ARHGAP10: variants seen among roughly 807,000 people sequenced by gnomAD.
ARHGAP10 encodes the protein rho GTPase-activating protein 10.
ARHGAP10 carries 87 observed loss-of-function variants against 108.6 expected under a neutral mutation model. The observed-to-expected ratio is 0.80, with a 90% CI of 0.67 to 0.96. The LOEUF is 0.96. Ranked by LOEUF, ARHGAP10 falls within the 40% of genes least tolerant of loss-of-function variation. The pLI is 0.00. For missense variants in ARHGAP10, 939 were observed against 954.5 expected (o/e 0.98, Z 0.21); for synonymous variants, 347 against 341.1 (o/e 1.02, Z -0.19).
chr4:147,962,977 CT>C lies in ARHGAP10; in HGVS notation c.1451-2041del, dbSNP rs994510185. Among the ~76,000 whole-genome samples, 4 of 152,148 alleles carry C rather than the reference CT, an allele frequency of 2.6e-5. No individual in the cohort carries two copies. The East Asian group carries it at 7.7e-4, about 29-fold the overall frequency. ...TGCCTGGCCACCACTCCTTTCATTT[CT>C]TTTTTCTTATCTCCCACATAACTTT... On this transcript the variant is annotated intron_variant, in intron 16 of 22. Coordinates refer to ENST00000336498, the MANE Select transcript of ARHGAP10 (RefSeq NM_024605.4).
chr4:147,982,089 G>A (rs1235683002), intron 18 of ARHGAP10, among the ~76,000 whole-genome samples: 1 of 152,162 alleles, frequency 6.6e-6, no homozygotes, highest in Non-Finnish European at 1.5e-5. Flanking sequence ...CGTGCTGGAA[G>A]TGCAGTGGTA....
intron 10 of ARHGAP10, among the ~76,000 whole-genome samples, chr4:147,884,836 A>C (rs2126876844): frequency 6.6e-6 from 1 of 152,342 alleles, no homozygotes; most frequent in Middle Eastern, 3.4e-3. Flanking sequence ...CAACGGCCTG[A>C]ACTTGAAGTT....
intron 1 of ARHGAP10, among the ~76,000 whole-genome samples, chr4:147,784,789 A>C (rs1224144295): frequency 8.7e-5 from 3 of 34,556 alleles, no homozygotes; most frequent in African/African-American, 1.7e-4. Context: ...ATATTATAAA[A>C]TATATATTAT....
chr4:147,770,959 T>G (rs1301558520), intron 1 of ARHGAP10, among the ~76,000 whole-genome samples: 1 of 152,222 alleles, frequency 6.6e-6, no homozygotes, highest in Non-Finnish European at 1.5e-5. Flanking sequence ...TCACATGGTC[T>G]TACCTCTGTG....
chr4:147,749,250 G>T (rs536263587), intron 1 of ARHGAP10, among the ~76,000 whole-genome samples: 7 of 152,242 alleles, frequency 4.6e-5, no homozygotes, highest in Non-Finnish European at 7.4e-5. Context: ...GCACAGTGAG[G>T]TATCTATGCC....
Position 147,993,899 on chromosome 4 carries a change from G to A in ARHGAP10, c.1716+27060G>A, listed in dbSNP as rs1404335553. Among the ~76,000 whole-genome samples the A allele has an allele frequency of 3.9e-5, 6 of 152,340 alleles. No individual in the cohort carries two copies. In the East Asian group the frequency reaches 7.7e-4, roughly 20 times the overall value. ...TGAGGAGCTGGTGTTTCAGACATGG[G>A]CAAGCTCTAGTTCATGCAAACCGTG... On this transcript the variant is annotated intron_variant, in intron 18 of 22. Coordinates refer to ENST00000336498, the MANE Select transcript of ARHGAP10 (RefSeq NM_024605.4).
At chr4:147,959,612 G>A (rs1738919535) in intron 16 of ARHGAP10, among the ~76,000 whole-genome samples, 1 of 152,028 alleles carries the variant, frequency 6.6e-6, no homozygotes, top group Non-Finnish European at 1.5e-5. Flanking sequence ...GTGAGAACAT[G>A]CGGTGTTTGG....
At chr4:147,749,466 C>T (rs1252797834) in intron 1 of ARHGAP10, among the ~76,000 whole-genome samples, 3 of 152,194 alleles carry the variant, frequency 2.0e-5, no homozygotes, top group Non-Finnish European at 4.4e-5. Flanking sequence ...TTGTGGGTAT[C>T]ATTAATCCAG....
At chr4:147,866,690 C>G (rs1386145123) in intron 6 of ARHGAP10, 22 bp from the exon 7 acceptor site, 2 of 1,563,892 alleles carry the variant, frequency 1.3e-6, no homozygotes, top group Non-Finnish European at 1.7e-6. Context: ...GTGCTAATAT[C>G]TCTTTTCTTC....
At chr4:147,950,415 AGCCT>A (rs1738553820) in intron 15 of ARHGAP10, among the ~76,000 whole-genome samples, 3 of 152,246 alleles carry the variant, frequency 2.0e-5, no homozygotes, top group Admixed American at 2.0e-4. Context: ...GTCTGGAGCC[AGCCT>A]GCCTGCCAGG....
In ARHGAP10 at chr4:148,050,245, T is replaced by A. The variant is rs150910721; in HGVS notation, c.2027+3194T>A. On this transcript the variant is annotated intron_variant, in intron 20 of 22. Coordinates refer to ENST00000336498, the MANE Select transcript of ARHGAP10 (RefSeq NM_024605.4). ...ATATTGATGTAATTATTAGTGAACA[T>A]TTAATTTCTTATTTTAATGATGTAT... Among the ~76,000 whole-genome samples the A allele has an allele frequency of 2.0e-4, 30 of 152,240 alleles. 1 individual carries two copies. In the East Asian group the frequency reaches 5.6e-3, roughly 28 times the overall value.
intron 1 of ARHGAP10, among the ~76,000 whole-genome samples, chr4:147,779,483 G>T (rs1730441040): frequency 6.6e-6 from 1 of 152,182 alleles, no homozygotes. Flanking sequence ...AGGGGGGAAA[G>T]CAAGCTGTAG....
chr4:147,999,626 T>G (rs1740617230), intron 18 of ARHGAP10, among the ~76,000 whole-genome samples: 1 of 152,210 alleles, frequency 6.6e-6, no homozygotes, highest in African/African-American at 2.4e-5. Context: ...CACTAGTCAC[T>G]GGGTTCCACG....
chr4:147,794,549 G>T (rs1731240134), intron 1 of ARHGAP10, among the ~76,000 whole-genome samples: 1 of 152,158 alleles, frequency 6.6e-6, no homozygotes, highest in South Asian at 2.1e-4. Context: ...AAGTGTCAGG[G>T]CTTCAAAGCC....
chr4:147,893,570 T>C (rs1057417376), intron 10 of ARHGAP10, among the ~76,000 whole-genome samples: 4 of 147,874 alleles, frequency 2.7e-5, no homozygotes, highest in Admixed American at 6.8e-5. Context: ...ATTTCATATG[T>C]ATTTCATATA....
intron 20 of ARHGAP10, among the ~76,000 whole-genome samples, chr4:148,060,027 C>CGA (rs35719237): frequency 0.72 from 108,943 of 150,586 alleles, 39,562 homozygotes; most frequent in East Asian, 0.83. Flanking sequence ...GGGAGAGAGA[C>CGA]GAGAGAGAGA....
chr4:147,856,331 T>C (rs1420231415), intron 4 of ARHGAP10, among the ~76,000 whole-genome samples: 1 of 152,252 alleles, frequency 6.6e-6, no homozygotes, highest in African/African-American at 2.4e-5. Flanking sequence ...TTTTAGGCCC[T>C]GTTGACCTAT....
At chr4:147,969,955 G>A (rs915701430) in intron 18 of ARHGAP10, among the ~76,000 whole-genome samples, 1 of 152,034 alleles carries the variant, frequency 6.6e-6, no homozygotes, top group African/African-American at 2.4e-5. Context: ...TGTGTGCTTG[G>A]GTTTAGGGTT....
At chr4:147,892,819 T>C (rs1420104277) in intron 10 of ARHGAP10, among the ~76,000 whole-genome samples, 1 of 152,112 alleles carries the variant, frequency 6.6e-6, no homozygotes, top group East Asian at 1.9e-4. Flanking sequence ...GAGACACTGA[T>C]ATAATGTATT....
Sources: gnomAD v4.1 joint callset for allele counts (sites outside exome capture counted in the v4.1 genomes callset) on GRCh38, gnomAD v4.1.1 for gene constraint, MANE v1.5 for transcripts, NCBI Gene and HGNC (gene_info 2026-07-23, HGNC 2026-07-21) for gene names.